The following TMPRSS9 variants were observed in gnomAD, a reference collection of about 807,000 sequenced individuals.
TMPRSS9 encodes the protein transmembrane protease serine 9.
Under a neutral mutation model 111.4 loss-of-function variants are expected in TMPRSS9, and 113 were observed. The ratio of observed to expected loss-of-function variants is 1.01; its 90% confidence interval spans 0.87 to 1.19. The LOEUF is 1.19. TMPRSS9 is among the 50% of genes most tolerant of loss of function. TMPRSS9 has a pLI of 0.00. For synonymous variants in TMPRSS9, 805 were observed against 659.1 expected, an observed-to-expected ratio of 1.22 and a Z score of -3.39; for missense variants, 1,803 against 1,513.1, an observed-to-expected ratio of 1.19 and a Z score of -3.18.
rs1970718711 is a variant in TMPRSS9, at chr19:2,396,772, A to G, written c.270+106A>G. 3 of 1,445,852 alleles carry G rather than the reference A, an allele frequency of 2.1e-6. No individual in the cohort carries two copies. The South Asian group carries it at 4.1e-5, about 20-fold the overall frequency. The allele number at this position is 1,445,852 out of a possible 1,614,324, so 89.6% of individuals were successfully genotyped here. A position where few individuals can be genotyped will look rare whatever the true frequency, so the allele number is the denominator to read the frequency against. On this transcript the variant is annotated intron_variant, in intron 2 of 17. Coordinates refer to ENST00000648592, the Ensembl canonical transcript of TMPRSS9. ...GAGGGAGGCAGGCCACAGGCAACGA[A>G]GCTGAGGTGGAGGCTGTGAGACCGG... is the stretch of plus-strand genomic sequence containing the variant.
At chr19:2,406,450 C>T (rs867995620) in intron 7 of TMPRSS9, among the ~76,000 whole-genome samples, 5 of 152,042 alleles carry the variant, frequency 3.3e-5, no homozygotes, top group Admixed American at 1.3e-4. Flanking sequence ...CCTCAGCCTC[C>T]CAAGTAGCTG....
upstream of TMPRSS9, among the ~76,000 whole-genome samples, chr19:2,385,306 C>T (rs937897666): frequency 1.8e-4 from 28 of 152,114 alleles, no homozygotes; most frequent in African/African-American, 6.5e-4. Context: ...TGTCCTGTTA[C>T]ATCCCTCAGG....
In TMPRSS9 at chr19:2,364,787, C is replaced by A. The variant is rs369533074; in HGVS notation, c.-26+4427C>A. 5.9e-5 allele frequency among the ~76,000 whole-genome samples: 9 copies of A among 151,912 alleles called. No homozygotes were observed. In the East Asian group the frequency reaches 1.2e-3, roughly 20 times the overall value. The stretch of plus-strand genomic sequence containing the variant: ...GATCATGAGGTCAGGAGATCGAGAC[C>A]ATCCTGGCTAACACGCTGAAACCCC... On this transcript the variant is annotated intron_variant, in intron 1 of 17. Coordinates refer to the TMPRSS9 transcript ENST00000649857.
At chr19:2,376,435 C>CTGG (rs1970334956) in intron 1 of TMPRSS9, among the ~76,000 whole-genome samples, 1 of 151,950 alleles carries the variant, frequency 6.6e-6, no homozygotes, top group African/African-American at 2.4e-5. Context: ...ATTCTGTGGC[C>CTGG]ACAGGACCGA....
At chr19:2,418,346 T>TTTCCCTCCCTCCTTCCCTTTCC (rs1971325120) in intron 13 of TMPRSS9, among the ~76,000 whole-genome samples, 2 of 29,132 alleles carry the variant, frequency 6.9e-5, no homozygotes, top group African/African-American at 4.6e-4. Flanking sequence ...CTTCCCTCCC[T>TTTCCCTCCCTCCTTCCCTTTCC]TTCCCTCCCT....
chr19:2,361,735 G>T (rs1429580143), intron 1 of TMPRSS9, among the ~76,000 whole-genome samples: 1 of 152,196 alleles, frequency 6.6e-6, no homozygotes, highest in African/African-American at 2.4e-5. Context: ...TTTATAGGGG[G>T]TCAAACCAGG....
chr19:2,382,646 CAT>C (rs991371642), intron 1 of TMPRSS9, among the ~76,000 whole-genome samples: 6 of 149,032 alleles, frequency 4.0e-5, no homozygotes, highest in African/African-American at 1.5e-4. Context: ...ACAGACCACA[CAT>C]GCACACATAC....
chr19:2,409,139 ATTT>A (rs534247160), intron 8 of TMPRSS9, among the ~76,000 whole-genome samples: 11,986 of 131,172 alleles, frequency 0.091, 703 homozygotes, highest in East Asian at 0.25. Flanking sequence ...TGCTACTGCG[ATTT>A]TTTTTTTTTT....
At chr19:2,401,609 CTTTT>C (rs1339418774) in intron 4 of TMPRSS9, among the ~76,000 whole-genome samples, 4 of 151,980 alleles carry the variant, frequency 2.6e-5, no homozygotes, top group East Asian at 3.9e-4. Context: ...TTCTTTCTTT[CTTTT>C]TTCTTTTTTT....
At chr19:2,411,556 CCTAG>C (rs1971097584) in intron 9 of TMPRSS9, among the ~76,000 whole-genome samples, 1 of 149,422 alleles carries the variant, frequency 6.7e-6, no homozygotes, top group African/African-American at 2.5e-5. Context: ...CGCCACCACA[CCTAG>C]CTAATTTTTG....
intron 1 of TMPRSS9, among the ~76,000 whole-genome samples, chr19:2,369,336 C>T (rs939298971): frequency 5.3e-5 from 8 of 152,260 alleles, no homozygotes; most frequent in Admixed American, 5.2e-4. Context: ...GAGGAGCAGG[C>T]ATTTTTGTGA....
intron 1 of TMPRSS9, among the ~76,000 whole-genome samples, chr19:2,381,922 A>G (rs1275803341): frequency 1.3e-5 from 2 of 152,224 alleles, no homozygotes; most frequent in East Asian, 3.8e-4. Flanking sequence ...AGCTCACTGC[A>G]ACCTCCACCT....
chr19:2,392,078 G>C (rs944753372), intron 1 of TMPRSS9, among the ~76,000 whole-genome samples: 6 of 152,066 alleles, frequency 3.9e-5, no homozygotes, highest in African/African-American at 7.2e-5. Flanking sequence ...GCCAAGTGTG[G>C]TGGCTCCTGC....
rs530318524 is a variant in TMPRSS9 at position 2,415,545 on chromosome 19, T to C, written c.1574-125T>C. On this transcript the variant is annotated intron_variant, in intron 10 of 17. Transcript: ENST00000648592. ...CTTGAAGCCTCCACGGCTTCTTGTG[T>C]GGAACGGGAGGGATTGCGGCATCTT... 7.6e-6 allele frequency: 7 copies of C among 916,818 alleles called. No individual in the cohort carries two copies. In the South Asian group the frequency reaches 1.6e-4, roughly 21 times the overall value. 56.8% of individuals were successfully genotyped at this position (916,818 alleles called of 1,614,324 possible).
chr19:2,414,178 T>C (rs993305220), intron 10 of TMPRSS9, 160 bp downstream of exon 11: 4 of 730,180 alleles, frequency 5.5e-6, no homozygotes, highest in Non-Finnish European at 8.6e-6. Flanking sequence ...TGTACCCTCA[T>C]GGTATCTTTC....
At chr19:2,404,263 G>T (rs1192846933) in intron 6 of TMPRSS9, among the ~76,000 whole-genome samples, 2 of 152,066 alleles carry the variant, frequency 1.3e-5, no homozygotes, top group African/African-American at 4.8e-5. Context: ...GTATTGAAAA[G>T]GAAGAGGAAA....
chr19:2,398,979 G>GC lies in TMPRSS9; in HGVS notation c.339-35dup, dbSNP rs1233520070. 8 of 1,593,576 alleles carry GC rather than the reference G, an allele frequency of 5.0e-6. No individual in the cohort carries two copies. The Admixed American group carries it at 6.9e-5, about 14-fold the overall frequency. On this transcript the variant is annotated intron_variant, in intron 3 of 17. Coordinates refer to ENST00000648592, the Ensembl canonical transcript of TMPRSS9. Reference sequence around the variant, plus strand: ...TTCCAGAAGATTCCAGCAGGGCGGAGCCCCTCCCTCTCCAAGGGCCTCTCC... The same window carrying GC: ...TTCCAGAAGATTCCAGCAGGGCGGAGCCCCCTCCCTCTCCAAGGGCCTCTCC...
intron 9 of TMPRSS9, among the ~76,000 whole-genome samples, chr19:2,411,168 C>T (rs910617428): frequency 6.6e-6 from 1 of 151,296 alleles, no homozygotes; most frequent in Non-Finnish European, 1.5e-5. Flanking sequence ...GGCGTGGTGG[C>T]AGGTGCCTGT....
intron 6 of TMPRSS9, among the ~76,000 whole-genome samples, chr19:2,404,728 C>A (rs571643748): frequency 6.6e-6 from 1 of 151,986 alleles, no homozygotes; most frequent in East Asian, 1.9e-4. Context: ...GTCAGGAGTT[C>A]GAGACCAGCC....
Sources: allele counts gnomAD v4.1 joint callset (sites outside exome capture counted in the v4.1 genomes callset), GRCh38; gene constraint gnomAD v4.1.1; transcripts MANE v1.5; gene names NCBI Gene and HGNC (gene_info 2026-07-23, HGNC 2026-07-21).